COMMD10: variants seen among roughly 807,000 people sequenced by gnomAD.
COMMD10 encodes COMM domain-containing protein 10.
In COMMD10, 33 loss-of-function variants were observed where a neutral mutation model predicts 28.9. The ratio of observed to expected loss-of-function variants is 1.14; its 90% CI spans 0.87 to 1.53. The LOEUF (loss-of-function observed/expected upper bound fraction) is 1.53, where lower values mean the gene tolerates loss of function less well. COMMD10 is among the 40% of genes most tolerant of loss of function. The probability of loss-of-function intolerance (pLI) is 0.00; values close to 1 mark genes in which losing one functional copy is unlikely to be tolerated. For synonymous variants in COMMD10, 110 were observed against 81.7 expected (o/e 1.35, Z -1.87); for missense variants, 310 against 233.4 (o/e 1.33, Z -2.14).
intron 2 of COMMD10, among the ~76,000 whole-genome samples, chr5:116,089,512 T>C (rs1225605518): frequency 6.6e-6 from 1 of 152,242 alleles, no homozygotes; most frequent in Non-Finnish European, 1.5e-5. Context: ...TACATGTCTT[T>C]TGTTCTTCAC....
intron 5 of COMMD10, among the ~76,000 whole-genome samples, chr5:116,215,273 A>T (rs923257758): frequency 5.9e-5 from 9 of 152,138 alleles, no homozygotes; most frequent in African/African-American, 2.2e-4. Flanking sequence ...TTTTATACAG[A>T]TGTAAGTATA....
At chr5:116,118,408 G>A (rs529580008) in intron 4 of COMMD10, among the ~76,000 whole-genome samples, 2 of 152,286 alleles carry the variant, frequency 1.3e-5, no homozygotes, top group East Asian at 1.9e-4. Flanking sequence ...AGATAGTAGA[G>A]TGTCAGTAAA....
chr5:116,260,596 T>C lies in COMMD10; in HGVS notation c.511-30921T>C, dbSNP rs1276555882. Among the ~76,000 whole-genome samples the C allele has an allele frequency of 3.9e-5, 6 of 151,980 alleles. No individual in the cohort carries two copies. The East Asian group carries it at 1.2e-3, about 29-fold the overall frequency. On this transcript the variant is annotated intron_variant, in intron 5 of 6. Coordinates refer to ENST00000274458, the MANE Select transcript of COMMD10 (RefSeq NM_016144.4). ...TCACAAAAGGACTTCACTGTCTTGT[T>C]CTATGCAAGATTTAGTAAAAACAGA...
chr5:116,100,753 T>G (rs1764522564), intron 4 of COMMD10, among the ~76,000 whole-genome samples: 1 of 152,184 alleles, frequency 6.6e-6, no homozygotes. Context: ...TCATCTCACT[T>G]TAATACGTCT....
intron 5 of COMMD10, among the ~76,000 whole-genome samples, chr5:116,248,691 T>A (rs1750027165): frequency 6.6e-6 from 1 of 151,922 alleles, no homozygotes; most frequent in African/African-American, 2.4e-5. Context: ...TGAGTTACTG[T>A]GGCCTGGCTG....
intron 5 of COMMD10, among the ~76,000 whole-genome samples, chr5:116,280,103 C>T (rs1038094260): frequency 5.3e-5 from 8 of 151,806 alleles, no homozygotes; most frequent in African/African-American, 1.7e-4. Flanking sequence ...TTATGGGCGC[C>T]ATTTTCCTCA....
At chr5:116,165,268 C>G (rs537544948) in intron 5 of COMMD10, among the ~76,000 whole-genome samples, 1 of 152,230 alleles carries the variant, frequency 6.6e-6, no homozygotes, top group Admixed American at 6.5e-5. Context: ...TCGAGTTCTC[C>G]TGGCTTTCAT....
intron 5 of COMMD10, among the ~76,000 whole-genome samples, chr5:116,217,084 T>G (rs1360591365): frequency 6.6e-6 from 1 of 152,038 alleles, no homozygotes; most frequent in East Asian, 1.9e-4. Flanking sequence ...ATAAAATAAT[T>G]TTTAAATTCT....
chr5:116,160,672 GA>G (rs1752888137), intron 5 of COMMD10, among the ~76,000 whole-genome samples: 1 of 152,116 alleles, frequency 6.6e-6, no homozygotes, highest in African/African-American at 2.4e-5. Flanking sequence ...GCTGATACTA[GA>G]AACTTCTTTA....
intron 5 of COMMD10, among the ~76,000 whole-genome samples, chr5:116,163,511 C>T (rs1308800623): frequency 3.3e-5 from 5 of 151,324 alleles, no homozygotes; most frequent in African/African-American, 4.9e-5. Flanking sequence ...ATCACTTGCA[C>T]CCGGGAAGTA....
At chr5:116,209,418 T>G (rs1294548958) in intron 5 of COMMD10, among the ~76,000 whole-genome samples, 2 of 152,194 alleles carry the variant, frequency 1.3e-5, no homozygotes, top group African/African-American at 2.4e-5. Context: ...AAATAGTGTT[T>G]CTTGGCAAAT....
intron 5 of COMMD10, among the ~76,000 whole-genome samples, chr5:116,222,857 A>C (rs1037063358): frequency 6.6e-6 from 1 of 151,992 alleles, no homozygotes; most frequent in African/African-American, 2.4e-5. Context: ...ACGCCTGGCT[A>C]ATTTTTTGTA....
chr5:116,147,606 C>T (rs977761647), intron 5 of COMMD10, among the ~76,000 whole-genome samples: 54 of 151,600 alleles, frequency 3.6e-4, no homozygotes, highest in African/African-American at 1.2e-3. Flanking sequence ...GTGATTGTTG[C>T]GGCTGGTTAA....
chr5:116,140,153 T>G lies in COMMD10; in HGVS notation c.510+5975T>G, dbSNP rs545928825. ...TCTTTCTACGTCTGGCTTATTTCAC[T>G]TACCATAATGTCCTCCAGATTCATC... On this transcript the variant is annotated intron_variant, in intron 5 of 6. Coordinates refer to ENST00000274458, the MANE Select transcript of COMMD10 (RefSeq NM_016144.4). 1.1e-4 allele frequency among the ~76,000 whole-genome samples: 16 copies of G among 151,788 alleles called. No homozygotes were observed. In the South Asian group the frequency reaches 2.7e-3, roughly 26 times the overall value.
intron 5 of COMMD10, among the ~76,000 whole-genome samples, chr5:116,249,370 A>G (rs1185457051): frequency 6.6e-6 from 1 of 151,980 alleles, no homozygotes; most frequent in Non-Finnish European, 1.5e-5. Context: ...CACAAAATCC[A>G]GTTTCGTAGA....
intron 5 of COMMD10, among the ~76,000 whole-genome samples, chr5:116,140,539 C>T (rs910840134): frequency 6.6e-6 from 1 of 151,764 alleles, no homozygotes; most frequent in Non-Finnish European, 1.5e-5. Flanking sequence ...ACATTTCCAC[C>T]ATCAGTGTAC....
At chr5:116,243,513 T>C (rs1749866261) in intron 5 of COMMD10, among the ~76,000 whole-genome samples, 1 of 152,166 alleles carries the variant, frequency 6.6e-6, no homozygotes, top group African/African-American at 2.4e-5. Flanking sequence ...CTTTGGAGAA[T>C]ATGATTCTCC....
chr5:116,251,247 T>C (rs1750105774), intron 5 of COMMD10, among the ~76,000 whole-genome samples: 1 of 150,272 alleles, frequency 6.7e-6, no homozygotes, highest in Non-Finnish European at 1.5e-5. Flanking sequence ...TTTTCAAAAA[T>C]TAAAGCAGAC....
At chr5:116,204,861 C>G (rs1384394268) in intron 5 of COMMD10, among the ~76,000 whole-genome samples, 2 of 152,252 alleles carry the variant, frequency 1.3e-5, no homozygotes, top group South Asian at 2.1e-4. Context: ...GATGAGCTCC[C>G]AGGTTCCCAT....
Sources: allele counts gnomAD v4.1 joint callset (sites outside exome capture counted in the v4.1 genomes callset), GRCh38; gene constraint gnomAD v4.1.1; transcripts MANE v1.5; gene names NCBI Gene and HGNC (gene_info 2026-07-23, HGNC 2026-07-21).